Variants in CPE observed in about 807,000 individuals in gnomAD.
CPE encodes carboxypeptidase E.
In CPE, 17 loss-of-function variants were observed where a neutral mutation model predicts 53.5. That is an observed-to-expected ratio of 0.32 (90% CI 0.22 to 0.48). CPE has a LOEUF of 0.48. Ranked by LOEUF, CPE falls within the 20% of genes least tolerant of loss-of-function variation. The pLI, the probability that CPE is intolerant of heterozygous loss-of-function variation, is 0.99. For missense variants in CPE, 524 were observed against 614.7 expected, an observed-to-expected ratio of 0.85 and a Z score of 1.56; for synonymous variants, 226 against 228.8, an observed-to-expected ratio of 0.99 and a Z score of 0.11.
At chr4:165,487,100 T>G (rs1305591191) in intron 5 of CPE, among the ~76,000 whole-genome samples, 1 of 152,178 alleles carries the variant, frequency 6.6e-6, no homozygotes, top group African/African-American at 2.4e-5. Flanking sequence ...GGGATGTGCA[T>G]TTCTTTAATA....
At chr4:165,418,824 A>T (rs1252101928) in intron 1 of CPE, among the ~76,000 whole-genome samples, 1 of 152,220 alleles carries the variant, frequency 6.6e-6, no homozygotes, top group Non-Finnish European at 1.5e-5. Context: ...ACAAATCACA[A>T]TGCTAACTTT....
At chr4:165,429,015 C>T (rs1731366033) in intron 1 of CPE, among the ~76,000 whole-genome samples, 1 of 152,214 alleles carries the variant, frequency 6.6e-6, no homozygotes, top group African/African-American at 2.4e-5. Flanking sequence ...TTTACTCTTT[C>T]TGTTAATCAA....
intron 1 of CPE, chr4:165,405,482 C>CCT: frequency 1.2e-6 from 1 of 860,108 alleles, no homozygotes; most frequent in South Asian, 1.3e-5. Context: ...AAGGGAAAGC[C>CCT]CTTTAGTCCG....
chr4:165,480,128 A>C (rs1251733479), intron 3 of CPE, among the ~76,000 whole-genome samples: 1 of 152,170 alleles, frequency 6.6e-6, no homozygotes, highest in Non-Finnish European at 1.5e-5. Context: ...AATAATGCAA[A>C]CTTTAAAAAT....
At chr4:165,458,902 A>G (rs1731946866) in intron 1 of CPE, among the ~76,000 whole-genome samples, 1 of 152,186 alleles carries the variant, frequency 6.6e-6, no homozygotes, top group Non-Finnish European at 1.5e-5. Flanking sequence ...GTGGAAGACA[A>G]TATTATTTTT....
chr4:165,434,672 A>G (rs1417511203), intron 1 of CPE, among the ~76,000 whole-genome samples: 1 of 152,182 alleles, frequency 6.6e-6, no homozygotes, highest in African/African-American at 2.4e-5. Flanking sequence ...AGGTTCTGGA[A>G]GTAAGAAAGA....
intron 3 of CPE, among the ~76,000 whole-genome samples, chr4:165,469,494 ATTTTCTAACAATTT>A (rs1393649802): frequency 1.3e-4 from 20 of 151,996 alleles, no homozygotes; most frequent in African/African-American, 4.8e-4. Flanking sequence ...TAAACATACC[ATTTTCTAACAATTT>A]TATGTCTTCA....
At chr4:165,448,179 G>C (rs1444400603) in intron 1 of CPE, among the ~76,000 whole-genome samples, 1 of 152,002 alleles carries the variant, frequency 6.6e-6, no homozygotes, top group African/African-American at 2.4e-5. Context: ...CCTATAGAGG[G>C]GTAGAGAGAG....
At chr4:165,386,247 A>T (rs1209292277) in intron 1 of CPE, 1 of 524,094 alleles carries the variant, frequency 1.9e-6, no homozygotes, top group Admixed American at 2.0e-5. Context: ...TCTACAGATA[A>T]ATCTATAGAC....
At chr4:165,478,697 A>C (rs1356589643) in intron 3 of CPE, among the ~76,000 whole-genome samples, 1 of 152,224 alleles carries the variant, frequency 6.6e-6, no homozygotes, top group Non-Finnish European at 1.5e-5. Flanking sequence ...ACCTGTAAAT[A>C]TATGGTGCAT....
rs1732726041 is a variant in CPE, at chr4:165,497,713, AT to A, written c.*109del. On this transcript the variant is annotated 3_prime_UTR_variant, in exon 9 of 9. Coordinates refer to ENST00000402744, the MANE Select transcript of CPE (RefSeq NM_001873.4). The stretch of plus-strand genomic sequence containing the variant: ...TGCAGTTAATACTTAACATTGATTT[AT>A]TTTTTAATCATTTAAATATTAATCA... 6 of 476,406 alleles carry A rather than the reference AT, an allele frequency of 1.3e-5. No homozygotes were observed. The East Asian group carries it at 1.8e-4, about 14-fold the overall frequency. The allele number at this position is 476,406 out of a possible 1,614,324, so 29.5% of individuals were successfully genotyped here. A position where few individuals can be genotyped will look rare whatever the true frequency, so the allele number is the denominator to read the frequency against.
chr4:165,446,597 C>G (rs1018574840), intron 1 of CPE, among the ~76,000 whole-genome samples: 1 of 152,206 alleles, frequency 6.6e-6, no homozygotes, highest in Non-Finnish European at 1.5e-5. Flanking sequence ...ATCCACCTGC[C>G]TCAGCCTCCC....
In CPE at chr4:165,414,911, T is replaced by C. The variant is rs1302517308; in HGVS notation, c.307+35383T>C. Among the ~76,000 whole-genome samples, 8 of 152,018 alleles carry C rather than the reference T, an allele frequency of 5.3e-5. 1 individual carries two copies. The South Asian group carries it at 8.3e-4, about 16-fold the overall frequency. On this transcript the variant is annotated intron_variant, in intron 1 of 8. Transcript: ENST00000402744. ...TTTAGTGACATTACAAAATGCCAGA[T>C]TGGAAAAACAGCCATTATTTAAAAA... is the stretch of plus-strand genomic sequence containing the variant.
intron 1 of CPE, among the ~76,000 whole-genome samples, chr4:165,390,085 T>C (rs1730656470): frequency 6.6e-6 from 1 of 152,204 alleles, no homozygotes; most frequent in Non-Finnish European, 1.5e-5. Context: ...CACCTGCTTC[T>C]CCAGCTGCAA....
intron 1 of CPE, among the ~76,000 whole-genome samples, chr4:165,387,394 T>G (rs1054977401): frequency 3.9e-5 from 6 of 152,228 alleles, no homozygotes; most frequent in Admixed American, 2.0e-4. Flanking sequence ...AACATCATAG[T>G]TCTATAATAA....
intron 1 of CPE, among the ~76,000 whole-genome samples, chr4:165,442,245 T>C (rs1731628060): frequency 6.6e-6 from 1 of 152,030 alleles, no homozygotes; most frequent in South Asian, 2.1e-4. Context: ...AGTCTTGCGA[T>C]GTTGCCCAGG....
chr4:165,439,296 AT>A (rs70955620), intron 1 of CPE, among the ~76,000 whole-genome samples: 55,930 of 151,970 alleles, frequency 0.37, 10,496 homozygotes, highest in Middle Eastern at 0.47. Flanking sequence ...CAACTTTAAA[AT>A]TTTAGTAAGG....
intron 4 of CPE, among the ~76,000 whole-genome samples, chr4:165,483,435 G>C: frequency 6.6e-6 from 1 of 152,172 alleles, no homozygotes; most frequent in East Asian, 1.9e-4. Context: ...TTTGTGAATA[G>C]TGCTGCCATA....
At chr4:165,475,241 C>T (rs1230672257) in intron 3 of CPE, among the ~76,000 whole-genome samples, 1 of 152,122 alleles carries the variant, frequency 6.6e-6, no homozygotes, top group Non-Finnish European at 1.5e-5. Flanking sequence ...AGGACCTATG[C>T]AGACACACAA....
Sources: allele counts gnomAD v4.1 joint callset (sites outside exome capture counted in the v4.1 genomes callset), GRCh38; gene constraint gnomAD v4.1.1; transcripts MANE v1.5; gene names NCBI Gene and HGNC (gene_info 2026-07-23, HGNC 2026-07-21).